Variants in GREB1 observed in about 807,000 individuals in gnomAD.
GREB1 encodes the protein protein GREB1.
GREB1 carries 106 observed loss-of-function variants against 200.7 expected under a neutral mutation model. That is an observed-to-expected ratio of 0.53 (90% CI 0.45 to 0.62). The LOEUF is 0.62. Among genes scored for constraint, GREB1 ranks in the 20% least tolerant of loss-of-function variants. The pLI, the probability that GREB1 is intolerant of heterozygous loss-of-function variation, is 0.00. For synonymous variants in GREB1, 1,132 were observed against 1,092.4 expected, an observed-to-expected ratio of 1.04 and a Z score of -0.72; for missense variants, 2,243 against 2,556.8, an observed-to-expected ratio of 0.88 and a Z score of 2.65.
At chr2:11,594,870 A>G (rs1052307909) in intron 11 of GREB1, among the ~76,000 whole-genome samples, 3 of 151,336 alleles carry the variant, frequency 2.0e-5, no homozygotes, top group Non-Finnish European at 4.4e-5. Flanking sequence ...ATTTTTTTGT[A>G]TTTTTAGTAG....
chr2:11,602,259 GT>G, intron 16 of GREB1, 146 bp from the exon 17 acceptor site: 1 of 661,418 alleles, frequency 1.5e-6, no homozygotes, highest in South Asian at 2.0e-5. Flanking sequence ...GATGGAAGAA[GT>G]TTATAAAATG....
intron 20 of GREB1, 131 bp downstream of exon 20, chr2:11,615,421 G>A (rs778884215): frequency 5.6e-6 from 4 of 713,204 alleles, no homozygotes; most frequent in Non-Finnish European, 9.3e-6. Flanking sequence ...CTGTCTGCTG[G>A]ACAGCGGCTC....
chr2:11,562,824 C>T, intron 3 of GREB1: 1 of 378,850 alleles, frequency 2.6e-6, no homozygotes, highest in Non-Finnish European at 4.8e-6. Flanking sequence ...CTGTGCCACT[C>T]TTTGGACAGT....
chr2:11,565,628 A>G (rs1677552573), intron 3 of GREB1, among the ~76,000 whole-genome samples: 1 of 152,216 alleles, frequency 6.6e-6, no homozygotes, highest in African/African-American at 2.4e-5. Context: ...AGATGTTTGT[A>G]GAAATGTATT....
At chr2:11,638,505 T>G (rs546922073) in intron 31 of GREB1, among the ~76,000 whole-genome samples, 166 bp from the exon 32 acceptor site, 153 of 152,310 alleles carry the variant, frequency 1.0e-3, no homozygotes, top group Non-Finnish European at 1.7e-3. Context: ...CCAGAATTTA[T>G]TTTTCAGATA....
chr2:11,620,318 C>T (rs1310761316), intron 22 of GREB1, among the ~76,000 whole-genome samples: 1 of 152,088 alleles, frequency 6.6e-6, no homozygotes, highest in Non-Finnish European at 1.5e-5. Flanking sequence ...GGTACTGGGC[C>T]AGACCATGGG....
At chr2:11,527,827 C>T (rs560854731) in intron 1 of GREB1, among the ~76,000 whole-genome samples, 4 of 152,286 alleles carry the variant, frequency 2.6e-5, no homozygotes, top group African/African-American at 7.2e-5. Context: ...CCTGGGAGGG[C>T]GCCACACTTG....
rs529244316 is a variant in GREB1 at position 11,566,724 on chromosome 2, C to G, written c.454+68C>G. On this transcript the variant is annotated intron_variant, in intron 4 of 32. Coordinates refer to ENST00000381486, the MANE Select transcript of GREB1 (RefSeq NM_014668.4). ...GGTAGAGCAGGGTCAAGGGAGGTCACGGCGGGGGGTGGTGGCAACAGAGGG... is the reference window on the plus strand; with the variant it reads ...GGTAGAGCAGGGTCAAGGGAGGTCAGGGCGGGGGGTGGTGGCAACAGAGGG... The G allele has an allele frequency of 3.6e-6, 5 of 1,403,850 alleles. No individual in the cohort carries two copies. In the African/African-American group the frequency reaches 7.2e-5, roughly 20 times the overall value. The allele number at this position is 1,403,850 out of a possible 1,614,324, so 87.0% of individuals were successfully genotyped here. A position where few individuals can be genotyped will look rare whatever the true frequency, so the allele number is the denominator to read the frequency against.
In GREB1 at chr2:11,592,563, G is replaced by GAA. The variant is rs112512855; in HGVS notation, c.1346-207_1346-206dup. 3.8e-3 allele frequency among the ~76,000 whole-genome samples: 572 copies of GAA among 152,066 alleles called. 4 individuals are homozygous for GAA. The highest frequency in any genetic ancestry group is 0.013 in the African/African-American group (546 of 41,444). On this transcript the variant is annotated intron_variant, in intron 10 of 32. Coordinates refer to ENST00000381486, the MANE Select transcript of GREB1 (RefSeq NM_014668.4). ...ATAATTAAAAAAAAACTTTCATATGGAAAAAAAGACTGAGAAATACACGTA... is the reference window on the plus strand; with the variant it reads ...ATAATTAAAAAAAAACTTTCATATGGAAAAAAAAAGACTGAGAAATACACGTA...
chr2:11,600,654 T>A (rs1207882676), intron 15 of GREB1, 146 bp from the exon 16 acceptor site: 9 of 690,648 alleles, frequency 1.3e-5, no homozygotes, highest in Admixed American at 2.5e-5. Context: ...CCTTTTTTAT[T>A]TTCTCTATTC....
rs545954855 is a variant in GREB1, at chr2:11,552,901, A to T, written c.-161-3553A>T. Among the ~76,000 whole-genome samples the T allele has an allele frequency of 8.8e-4, 132 of 150,334 alleles. 2 individuals are homozygous for T. Among genetic ancestry groups the T allele is most frequent in the Admixed American group, 2.3e-3 (35 of 15,116 alleles). On this transcript the variant is annotated intron_variant, in intron 1 of 32. Transcript: ENST00000381486. ...GGCGCACGCCTGTAGTCCCAGCTAC[A>T]CGGGAGGCTGAGGCAGGAGAATGGC...
At chr2:11,555,751 G>A (rs1042014644) in intron 1 of GREB1, among the ~76,000 whole-genome samples, 1 of 152,200 alleles carries the variant, frequency 6.6e-6, no homozygotes, top group African/African-American at 2.4e-5. Context: ...CAGAGTGATA[G>A]GTCTGGGGTT....
chr2:11,490,845 G>A (rs542915902), intron 1 of GREB1, among the ~76,000 whole-genome samples: 25 of 152,184 alleles, frequency 1.6e-4, no homozygotes, highest in Non-Finnish European at 2.2e-4. Context: ...CACCACACCC[G>A]GCCTTGGAAA....
chr2:11,636,356 T>G (rs1314374770), intron 30 of GREB1, among the ~76,000 whole-genome samples: 1 of 152,238 alleles, frequency 6.6e-6, no homozygotes, highest in Non-Finnish European at 1.5e-5. Flanking sequence ...TCAGTGTCAT[T>G]TTTAAACTCT....
intron 1 of GREB1, among the ~76,000 whole-genome samples, chr2:11,494,792 C>T (rs1233186376): frequency 6.6e-6 from 1 of 152,182 alleles, no homozygotes; most frequent in African/African-American, 2.4e-5. Context: ...TAATAATCAA[C>T]ACCCATGGGG....
chr2:11,525,434 T>C (rs73189357), intron 1 of GREB1, among the ~76,000 whole-genome samples: 5,096 of 148,124 alleles, frequency 0.034, 308 homozygotes, highest in African/African-American at 0.12. Context: ...GAAGTGGAGG[T>C]TGCCATGAGC....
chr2:11,618,082 G>T (rs1010618769), intron 21 of GREB1, among the ~76,000 whole-genome samples: 1 of 86,576 alleles, frequency 1.2e-5, no homozygotes, highest in African/African-American at 3.0e-5. Context: ...AACAGGAGCC[G>T]CCGGCAAGTT....
At chr2:11,535,058 C>T (rs188875490) in intron 1 of GREB1, among the ~76,000 whole-genome samples, 1 of 152,076 alleles carries the variant, frequency 6.6e-6, no homozygotes, top group African/African-American at 2.4e-5. Context: ...GTATTTTTTG[C>T]CTGGGGTGAA....
At chr2:11,546,311 G>A (rs1675273927) in intron 1 of GREB1, among the ~76,000 whole-genome samples, 1 of 152,002 alleles carries the variant, frequency 6.6e-6, no homozygotes, top group Non-Finnish European at 1.5e-5. Flanking sequence ...AAATTTCCTG[G>A]CACATAGTAT....
Sources: allele counts gnomAD v4.1 joint callset (sites outside exome capture counted in the v4.1 genomes callset), GRCh38; gene constraint gnomAD v4.1.1; transcripts MANE v1.5; gene names NCBI Gene and HGNC (gene_info 2026-07-23, HGNC 2026-07-21).